PCCA: variants seen among roughly 807,000 people sequenced by gnomAD.
PCCA encodes propionyl-CoA carboxylase alpha chain, mitochondrial.
In PCCA, 74 loss-of-function variants were observed where a neutral mutation model predicts 101.3. The ratio of observed to expected loss-of-function variants is 0.73; its 90% confidence interval spans 0.61 to 0.89. The LOEUF (loss-of-function observed/expected upper bound fraction) is 0.89. Among genes scored for constraint, PCCA ranks in the 40% least tolerant of loss-of-function variants. PCCA has a pLI of 0.00. For missense variants in PCCA, 891 were observed against 907.0 expected (o/e 0.98, Z 0.23); for synonymous variants, 294 against 313.6 (o/e 0.94, Z 0.66).
intron 20 of PCCA, among the ~76,000 whole-genome samples, chr13:100,428,101 C>G (rs1275931348): frequency 6.6e-6 from 1 of 151,912 alleles, no homozygotes; most frequent in African/African-American, 2.4e-5. Context: ...GGATCTCGCT[C>G]TGTCACCTAG....
chr13:100,166,764 A>AT (rs201901442), intron 6 of PCCA, among the ~76,000 whole-genome samples: 40 of 150,746 alleles, frequency 2.7e-4, no homozygotes, highest in African/African-American at 8.8e-4. Flanking sequence ...ATATGCTTTC[A>AT]TTTTTTTTTG....
intron 16 of PCCA, among the ~76,000 whole-genome samples, chr13:100,322,141 T>A (rs1210122107): frequency 1.3e-5 from 2 of 152,116 alleles, no homozygotes; most frequent in African/African-American, 2.4e-5. Flanking sequence ...CCTCATGAGG[T>A]CATTCAAAGA....
chr13:100,267,378 GA>G (rs1254758399), intron 10 of PCCA, among the ~76,000 whole-genome samples: 1 of 152,098 alleles, frequency 6.6e-6, no homozygotes, highest in Non-Finnish European at 1.5e-5. Context: ...TTGAGTTTCA[GA>G]AAGGGTTTGT....
At chr13:100,297,959 T>G (rs1429077633) in intron 12 of PCCA, among the ~76,000 whole-genome samples, 3 of 152,070 alleles carry the variant, frequency 2.0e-5, no homozygotes, top group Non-Finnish European at 4.4e-5. Flanking sequence ...CTTACTCCTT[T>G]TTTGTGAGTG....
At chr13:100,201,966 G>A (rs1323380082) in intron 6 of PCCA, among the ~76,000 whole-genome samples, 1 of 150,616 alleles carries the variant, frequency 6.6e-6, no homozygotes, top group African/African-American at 2.4e-5. Flanking sequence ...ACTTCTCAGA[G>A]TTTATGAGTT....
intron 16 of PCCA, among the ~76,000 whole-genome samples, chr13:100,326,371 G>C (rs1431265199): frequency 1.3e-5 from 2 of 152,132 alleles, no homozygotes; most frequent in Non-Finnish European, 2.9e-5. Flanking sequence ...CATAGAAGAA[G>C]CAGTGCCAGA....
chr13:100,244,036 T>C (rs1416635068), intron 8 of PCCA, among the ~76,000 whole-genome samples: 1 of 152,204 alleles, frequency 6.6e-6, no homozygotes, highest in Non-Finnish European at 1.5e-5. Context: ...GGGTTAAGGT[T>C]ATATGGAAGA....
At chr13:100,158,157 T>C (rs2054068368) in intron 6 of PCCA, among the ~76,000 whole-genome samples, 1 of 152,194 alleles carries the variant, frequency 6.6e-6, no homozygotes. Flanking sequence ...CTGGATCCTG[T>C]AGGCTGTTGT....
At chr13:100,511,076 A>T (rs1033634451) in intron 21 of PCCA, among the ~76,000 whole-genome samples, 1 of 152,212 alleles carries the variant, frequency 6.6e-6, no homozygotes, top group Non-Finnish European at 1.5e-5. Context: ...TATGGCTCCT[A>T]ACCTTGCTCT....
intron 6 of PCCA, among the ~76,000 whole-genome samples, chr13:100,188,974 G>A (rs367641472): frequency 6.6e-6 from 1 of 151,890 alleles, no homozygotes; most frequent in Admixed American, 6.6e-5. Context: ...TGCCATGGTG[G>A]TTTGCTGCAC....
chr13:100,254,065 C>T (rs144816113), intron 8 of PCCA, among the ~76,000 whole-genome samples: 9 of 151,958 alleles, frequency 5.9e-5, no homozygotes, highest in Non-Finnish European at 1.2e-4. Context: ...TCATGGTGGA[C>T]GGTGAATTAA....
chr13:100,493,174 C>T (rs961163364), intron 21 of PCCA, among the ~76,000 whole-genome samples: 6 of 152,214 alleles, frequency 3.9e-5, no homozygotes, highest in Non-Finnish European at 7.3e-5. Flanking sequence ...CTACACCTGC[C>T]CCTGCCCATC....
chr13:100,329,630 A>G (rs934501627), intron 16 of PCCA, among the ~76,000 whole-genome samples: 1 of 151,920 alleles, frequency 6.6e-6, no homozygotes, highest in Admixed American at 6.6e-5. Context: ...TATCATTTTG[A>G]AGTGTTGTCT....
chr13:100,387,030 G>A (rs767807554), intron 19 of PCCA, among the ~76,000 whole-genome samples: 8 of 152,134 alleles, frequency 5.3e-5, no homozygotes, highest in Non-Finnish European at 8.8e-5. Context: ...CTTCTGCAGT[G>A]ACTTGGCCAT....
intron 16 of PCCA, among the ~76,000 whole-genome samples, chr13:100,321,843 C>G (rs1315164379): frequency 6.6e-6 from 1 of 151,842 alleles, no homozygotes; most frequent in Non-Finnish European, 1.5e-5. Flanking sequence ...TCTCTTGAGT[C>G]AGGAACAGAA....
chr13:100,214,548 C>G (rs1245007241), intron 7 of PCCA, among the ~76,000 whole-genome samples: 9 of 151,974 alleles, frequency 5.9e-5, no homozygotes, highest in Non-Finnish European at 8.8e-5. Context: ...CCTCCGGCTC[C>G]CTGGTATCTG....
chr13:100,337,536 C>T (rs2070688999), intron 17 of PCCA, among the ~76,000 whole-genome samples: 1 of 152,152 alleles, frequency 6.6e-6, no homozygotes, highest in African/African-American at 2.4e-5. Flanking sequence ...CAGTTATGAT[C>T]AGACTTCTTA....
chr13:100,179,087 A>AT (rs1566645525), intron 6 of PCCA, among the ~76,000 whole-genome samples: 1 of 108,562 alleles, frequency 9.2e-6, no homozygotes, highest in Non-Finnish European at 2.0e-5. Flanking sequence ...AAAAAAAAAA[A>AT]AAAAATATAT....
intron 4 of PCCA, among the ~76,000 whole-genome samples, chr13:100,123,477 A>G (rs557548797): frequency 6.6e-6 from 1 of 152,362 alleles, no homozygotes; most frequent in Admixed American, 6.5e-5. Flanking sequence ...GTAACCTCGT[A>G]GAAGCAATGG....
Sources: gnomAD v4.1 joint callset for allele counts (sites outside exome capture counted in the v4.1 genomes callset) on GRCh38, gnomAD v4.1.1 for gene constraint, MANE v1.5 for transcripts, NCBI Gene and HGNC (gene_info 2026-07-23, HGNC 2026-07-21) for gene names.